Variants in QRICH2 observed in about 807,000 individuals in gnomAD.
QRICH2 encodes the protein glutamine rich 2.
Under a neutral mutation model 168.3 loss-of-function variants are expected in QRICH2, and 119 were observed. That is an observed-to-expected ratio of 0.71 (90% CI 0.61 to 0.82). QRICH2 has a LOEUF of 0.82. Among genes scored for constraint, QRICH2 ranks in the 40% least tolerant of loss-of-function variants. The pLI is 0.00. For synonymous variants in QRICH2, 894 were observed against 951.2 expected (o/e 0.94, Z 1.11); for missense variants, 2,241 against 2,491.6 (o/e 0.90, Z 2.14).
chr17:76,307,585 G>A lies in QRICH2; in HGVS notation c.414C>T (p.Ser138=), dbSNP rs2071010628. ...ATHVQHFSQA[S]GLDLAALEWP... is the part of the protein sequence containing the mutation. Reference sequence around the variant, plus strand: ...ACTCTAGCGCGGCCAGGTCAAGCCCGCTGGCCTGGGAGAAGTGCTGCACGT... The same window carrying A: ...ACTCTAGCGCGGCCAGGTCAAGCCCACTGGCCTGGGAGAAGTGCTGCACGT... The change falls in exon 1 of 19, where the codon AGC becomes AGT. Residue 138 remains serine (S), a synonymous_variant. Transcript: ENST00000680821. The surrounding 1 kb of genome is among the most constrained non-coding windows in gnomAD (Gnocchi z 5.3). The A allele has an allele frequency of 1.9e-6, 3 of 1,560,494 alleles. No homozygotes were observed. Among genetic ancestry groups the A allele is most frequent in the East Asian group, 2.4e-5 (1 of 41,468 alleles).
intron 14 of QRICH2, among the ~76,000 whole-genome samples, chr17:76,278,602 G>A (rs574781667): frequency 1.1e-3 from 172 of 152,332 alleles, no homozygotes; most frequent in African/African-American, 3.6e-3. Flanking sequence ...GGCAGGAGCC[G>A]GAGGGAGCAT....
At chr17:76,302,295 TC>T (rs908990812) in intron 3 of QRICH2, among the ~76,000 whole-genome samples, 3 of 143,936 alleles carry the variant, frequency 2.1e-5, no homozygotes, top group Non-Finnish European at 4.6e-5. Context: ...GGACCCCGTT[TC>T]CCCCCCACCC....
chr17:76,287,106 T>C (rs1019900219), intron 7 of QRICH2, 86 bp downstream of exon 7: 6 of 729,992 alleles, frequency 8.2e-6, no homozygotes, highest in South Asian at 7.0e-5. Context: ...AGGGACCTAG[T>C]TTTTGATGAG....
chr17:76,282,194 A>G, intron 7 of QRICH2, 79 bp from the exon 8 acceptor site: 1 of 1,494,100 alleles, frequency 6.7e-7, no homozygotes, highest in Non-Finnish European at 8.9e-7. Flanking sequence ...CACTGCCCCT[A>G]GCCTGTGTGC....
rs200149785 is a variant in QRICH2, at chr17:76,290,006, G to A, written c.3784C>T (p.Gln1262Ter). Residue 1262 changes from glutamine (Q) to a stop codon, truncating the protein, a stop_gained, in exon 5 of 19, where the codon CAG (glutamine) becomes TAG (stop). Coordinates refer to ENST00000680821, the MANE Select transcript of QRICH2 (RefSeq NM_001388453.1). LOFTEE classifies it high-confidence loss of function. ...TVKTLAKEVWQEKAKVERLQR... is the reference protein window; with the variant it reads ...TVKTLAKEVW The stretch of plus-strand genomic sequence containing the variant: ...CTCTTCCTTACTTTTGCTTTCTCCT[G>A]CCAAACTTCTTTGGCTAGCGTCTTT... 320 of 1,608,580 alleles carry A rather than the reference G, an allele frequency of 2.0e-4. 1 individual carries two copies. The highest frequency in any genetic ancestry group is 2.6e-4 in the Non-Finnish European group (302 of 1,176,624).
Position 76,278,068 on chromosome 17 carries a change from C to T in QRICH2, c.5038G>A (p.Gly1680Arg), listed in dbSNP as rs778348508. 5.6e-6 allele frequency: 9 copies of T among 1,613,828 alleles called. No homozygotes were observed. Among genetic ancestry groups the T allele is most frequent in the African/African-American group, 2.7e-5 (2 of 74,944 alleles). The change falls in exon 15 of 19, where the codon GGG becomes AGG. Residue 1680 changes from glycine to arginine, a missense_variant. By Grantham distance (125) the Gly-to-Arg change is moderately radical. Around this residue, in one of 3 missense-constraint regions of QRICH2, gnomAD observed 2,047 missense variants for 2,303.8 expected, o/e 0.89. Coordinates refer to ENST00000680821, the MANE Select transcript of QRICH2 (RefSeq NM_001388453.1). ...MNIEKVQIHF[G>R]GSTKASSQII... ...TGGCTGCTGGCCTTGGTGGAGCCCC[C>T]GAAGTGGATCTGCACCTTCTCAATG...
chr17:76,278,987 A>T (rs2070738261), intron 14 of QRICH2, 54 bp downstream of exon 14: 1 of 1,458,704 alleles, frequency 6.9e-7, no homozygotes, highest in Admixed American at 1.8e-5. Flanking sequence ...TGCCTTCCCC[A>T]TCCAGAGCCC....
At chr17:76,276,142 TCA>T (rs2070675531) in intron 17 of QRICH2, among the ~76,000 whole-genome samples, 195 bp from the exon 18 acceptor site, 1 of 85,508 alleles carries the variant, frequency 1.2e-5, no homozygotes, top group Non-Finnish European at 2.3e-5. Flanking sequence ...ACCCACCCAC[TCA>T]CACAGAGTCC....
chr17:76,276,015 G>A lies in QRICH2; in HGVS notation c.5354-68C>T, dbSNP rs2070672057. The A allele has an allele frequency of 3.8e-6, 6 of 1,569,544 alleles. No homozygotes were observed. In the South Asian group the frequency reaches 5.6e-5, roughly 15 times the overall value. On this transcript the variant is annotated intron_variant, in intron 17 of 18. Transcript: ENST00000680821. ...TGAGAGCTCTGTGGGAACCCCTGGG[G>A]GTGGGGAGAGGGCCGCAGGGCTGCT...
chr17:76,307,534 C>G lies in QRICH2; in HGVS notation c.465G>C (p.Val155=). 1 of 1,603,676 alleles carries G rather than the reference C, an allele frequency of 6.2e-7. No homozygotes were observed. Among genetic ancestry groups the G allele is most frequent in the Non-Finnish European group, 8.5e-7 (1 of 1,175,486 alleles). The change falls in exon 1 of 19, where the codon GTG becomes GTC. Residue 155 remains valine, a synonymous_variant. Coordinates refer to ENST00000680821, the MANE Select transcript of QRICH2 (RefSeq NM_001388453.1). This position sits in a 1 kb window ranked among gnomAD's most constrained non-coding sequence, Gnocchi z 5.3. ...CAGTCCGCACCCTATCGAACGCCCG[C>G]ACGCCCACCTCCTGCTCCTCCGGCC... ...LEWPEEQEVG[V]RAFDRVRTGS...
intron 5 of QRICH2, 58 bp from the exon 6 acceptor site, chr17:76,287,955 T>TGCC (rs1044200640): frequency 7.4e-7 from 1 of 1,344,558 alleles, no homozygotes; most frequent in Admixed American, 1.7e-5. Flanking sequence ...TTCCCAAGTG[T>TGCC]GCCCTTGCAT....
At chr17:76,275,423 CAG>C (rs1185692573) in intron 18 of QRICH2, among the ~76,000 whole-genome samples, 1 of 152,160 alleles carries the variant, frequency 6.6e-6, no homozygotes, top group Non-Finnish European at 1.5e-5. Flanking sequence ...AGGCGGGAGG[CAG>C]AGAGAGGTTC....
chr17:76,274,274 G>A lies in QRICH2; in HGVS notation c.5483-14C>T. ...GACGAGAAGAAACTGTAAGACAGGG[G>A]TGCTGAGGTTGCTCAACACATTCCC... On this transcript the variant is annotated splice_polypyrimidine_tract_variant and intron_variant, in intron 18 of 18. Transcript: ENST00000680821. The A allele has an allele frequency of 6.4e-7, 1 of 1,574,510 alleles. No homozygotes were observed. The highest frequency in any genetic ancestry group is 8.6e-7 in the Non-Finnish European group (1 of 1,167,228).
intron 14 of QRICH2, among the ~76,000 whole-genome samples, 156 bp downstream of exon 14, chr17:76,278,885 T>C (rs539291942): frequency 6.6e-6 from 1 of 152,330 alleles, no homozygotes; most frequent in African/African-American, 2.4e-5. Context: ...CGGCCCCCAC[T>C]GTCCCATTCC....
At chr17:76,304,859 C>G in intron 2 of QRICH2, 23 bp downstream of exon 2, 1 of 1,576,586 alleles carries the variant, frequency 6.3e-7, no homozygotes, top group South Asian at 1.1e-5. Flanking sequence ...AGAGCCCTTT[C>G]CCATGGAACT....
At chr17:76,282,152 G>C in intron 7 of QRICH2, 37 bp from the exon 8 acceptor site, 1 of 1,566,156 alleles carries the variant, frequency 6.4e-7, no homozygotes, top group Non-Finnish European at 8.7e-7. Flanking sequence ...AGGGCAGTGA[G>C]GCCAGTCACG....
chr17:76,294,088 A>C, intron 3 of QRICH2, 67 bp from the exon 4 acceptor site: 1 of 1,516,972 alleles, frequency 6.6e-7, no homozygotes, highest in South Asian at 1.3e-5. Context: ...GGAAGAAAGG[A>C]AATCTGGAAG....
intron 7 of QRICH2, among the ~76,000 whole-genome samples, chr17:76,284,542 G>A (rs1346988080): frequency 8.3e-6 from 1 of 120,400 alleles, no homozygotes; most frequent in East Asian, 2.1e-4. Context: ...ATACAGGCCA[G>A]GCGTGGTGGC....
intron 3 of QRICH2, among the ~76,000 whole-genome samples, chr17:76,299,597 C>T (rs929746404): frequency 4.0e-5 from 6 of 151,662 alleles, no homozygotes; most frequent in Admixed American, 1.3e-4. Context: ...ATTAGCTGGG[C>T]GTGATGGTGG....
Sources: gnomAD v4.1 joint callset for allele counts (sites outside exome capture counted in the v4.1 genomes callset) on GRCh38, gnomAD v4.1.1 for gene constraint, gnomAD v4.1.1 regional missense constraint, Gnocchi (gnomAD v3.1) non-coding constraint, MANE v1.5 for transcripts, NCBI Gene and HGNC (gene_info 2026-07-23, HGNC 2026-07-21) for gene names.